PDPK1: variants seen among roughly 807,000 people sequenced by gnomAD.
PDPK1 encodes the protein 3-phosphoinositide-dependent protein kinase 1.
A neutral mutation model predicts 39.8 loss-of-function variants in PDPK1; 7 were observed. The ratio of observed to expected loss-of-function variants is 0.18; its 90% CI spans 0.10 to 0.33. The LOEUF (loss-of-function observed/expected upper bound fraction) is 0.33. Ranked by LOEUF, PDPK1 falls within the 10% of genes least tolerant of loss-of-function variation. The pLI is 1.00. For missense variants in PDPK1, 182 were observed against 384.7 expected, an observed-to-expected ratio of 0.47 and a Z score of 4.41; for synonymous variants, 118 against 159.1, an observed-to-expected ratio of 0.74 and a Z score of 1.95.
intron 11 of PDPK1, 139 bp from the exon 12 acceptor site, chr16:2,595,654 G>A (rs372296006): frequency 1.3e-5 from 9 of 703,498 alleles, no homozygotes; most frequent in East Asian, 2.6e-5. Flanking sequence ...TGTGGCGAAC[G>A]TTCTCTGCTC....
rs2066882334 is a variant in PDPK1, at chr16:2,586,679, G to GA, written c.1130dup (p.Asp377GlufsTer49). On this transcript the variant is annotated frameshift_variant, in exon 11 of 14. Transcript: ENST00000342085. LOFTEE classifies it high-confidence loss of function. ...CACTTTCCCTTCTTCTCTGCAGTATGACAATCTCCTGAGCCAGTTTGGCTG... is the reference window on the plus strand; with the variant it reads ...CACTTTCCCTTCTTCTCTGCAGTATGAACAATCTCCTGAGCCAGTTTGGCTG... 6.2e-7 allele frequency: 1 copy of GA among 1,613,898 alleles called. No homozygotes were observed. Among genetic ancestry groups the GA allele is most frequent in the African/African-American group, 1.3e-5 (1 of 74,938 alleles).
Position 2,599,181 on chromosome 16 carries a change from C to T in PDPK1, c.*1414C>T, listed in dbSNP as rs1007441669. On this transcript the variant is annotated 3_prime_UTR_variant, in exon 14 of 14. Transcript: ENST00000342085. ...TGGCCTGGCAGGTCTGGGCCCTTCT[C>T]TCCCTGCCCAGGTTGTCCCTGGAGG... 7 of 233,374 alleles carry T rather than the reference C, an allele frequency of 3.0e-5. No homozygotes were observed. In the South Asian group the frequency reaches 9.0e-4, roughly 30 times the overall value. 14.5% of individuals were successfully genotyped at this position (233,374 alleles called of 1,614,324 possible).
At chr16:2,592,293 C>T (rs1022322466) in intron 11 of PDPK1, among the ~76,000 whole-genome samples, 1 of 152,048 alleles carries the variant, frequency 6.6e-6, no homozygotes, top group Admixed American at 6.6e-5. Flanking sequence ...GGAGAGGTGT[C>T]GCCTGTTTTG....
Position 2,597,821 on chromosome 16 carries a change from C to A in PDPK1, c.*54C>A, listed in dbSNP as rs1327673658. 4.7e-6 allele frequency: 6 copies of A among 1,269,374 alleles called. No individual in the cohort carries two copies. The highest frequency in any genetic ancestry group is 6.9e-6 in the Non-Finnish European group (6 of 874,544). 78.6% of individuals were successfully genotyped at this position (1,269,374 alleles called of 1,614,324 possible). On this transcript the variant is annotated 3_prime_UTR_variant, in exon 14 of 14. Coordinates refer to ENST00000342085, the MANE Select transcript of PDPK1 (RefSeq NM_002613.5). The surrounding 1 kb of genome is among the most constrained non-coding windows in gnomAD (Gnocchi z 6.3). ...TGCCAGGACACCTGCCCCAGCGCGG[C>A]TTGGCCGCCATCCGGGACGCTTCCA...
At position 2,602,732 on chromosome 16, in the gene PDPK1, A is replaced by G. The variant is rs2067243138; in HGVS notation, c.*4965A>G. ...GGGTGGCAAGCAGAACATGCGTAAT[A>G]TTCTCTACCTGGTCTGTAGCTGTAA... On this transcript the variant is annotated 3_prime_UTR_variant, in exon 14 of 14. Coordinates refer to ENST00000342085, the MANE Select transcript of PDPK1 (RefSeq NM_002613.5). The G allele has an allele frequency of 4.3e-6, 1 of 234,632 alleles. No individual in the cohort carries two copies. Among genetic ancestry groups the G allele is most frequent in the Non-Finnish European group, 8.5e-6 (1 of 118,034 alleles). 14.5% of individuals were successfully genotyped at this position (234,632 alleles called of 1,614,324 possible). A position where few individuals can be genotyped will look rare whatever the true frequency, so the allele number is the denominator to read the frequency against.
At chr16:2,541,726 G>A (rs1013888143) in intron 1 of PDPK1, among the ~76,000 whole-genome samples, 2 of 152,196 alleles carry the variant, frequency 1.3e-5, no homozygotes, top group African/African-American at 4.8e-5. Context: ...TGCAAGTTTT[G>A]GACATGAGTT....
Position 2,599,012 on chromosome 16 carries a change from G to A in PDPK1, c.*1245G>A, listed in dbSNP as rs1038825533. On this transcript the variant is annotated 3_prime_UTR_variant, in exon 14 of 14. Coordinates refer to ENST00000342085, the MANE Select transcript of PDPK1 (RefSeq NM_002613.5). Reference sequence around the variant, plus strand: ...GAACAGCACACTTCAACCCCAGCTTGCTGGTCGGCTTTCCTCTAGAGAGAG... The same window carrying A: ...GAACAGCACACTTCAACCCCAGCTTACTGGTCGGCTTTCCTCTAGAGAGAG... 4.3e-6 allele frequency: 1 copy of A among 233,226 alleles called. No homozygotes were observed. The highest frequency in any genetic ancestry group is 2.2e-5 in the African/African-American group (1 of 45,344). The allele number at this position is 233,226 out of a possible 1,614,324, so 14.4% of individuals were successfully genotyped here.
intron 11 of PDPK1, chr16:2,592,460 G>T (rs1336015426): frequency 3.3e-6 from 1 of 299,816 alleles, no homozygotes; most frequent in East Asian, 1.1e-4. Flanking sequence ...GGAGACAGTA[G>T]AAAATCAAGG....
At chr16:2,547,132 G>A (rs2066364164) in intron 1 of PDPK1, among the ~76,000 whole-genome samples, 1 of 149,894 alleles carries the variant, frequency 6.7e-6, no homozygotes, top group Admixed American at 6.6e-5. Flanking sequence ...GATCTGGAGA[G>A]CCGCAGCAGC....
chr16:2,591,087 C>T (rs28761330), intron 11 of PDPK1, among the ~76,000 whole-genome samples: 2,973 of 152,108 alleles, frequency 0.02, 97 homozygotes, highest in African/African-American at 0.067. Context: ...CTCAGCCTCC[C>T]GAGGAGCTGG....
intron 11 of PDPK1, chr16:2,592,580 CAGG>C (rs2067011837): frequency 2.8e-6 from 1 of 355,316 alleles, no homozygotes. Context: ...GAGGCTGAGA[CAGG>C]AGAATCGCTT....
rs556964780 is a variant in PDPK1 at position 2,544,102 on chromosome 16, A to T, written c.24+5966A>T. ...GTCTGTGCATGTTCAGTACAGATGC[A>T]ATTTCTTGTTTTTCTAATATTTTCT... On this transcript the variant is annotated intron_variant, in intron 1 of 13. Coordinates refer to ENST00000342085, the MANE Select transcript of PDPK1 (RefSeq NM_002613.5). Among the ~76,000 whole-genome samples, 4 of 152,226 alleles carry T rather than the reference A, an allele frequency of 2.6e-5. No homozygotes were observed. The South Asian group carries it at 8.3e-4, about 32-fold the overall frequency.
In PDPK1 at chr16:2,597,665, T is replaced by C; in HGVS notation, c.1569T>C (p.Tyr523=). 6.2e-7 allele frequency: 1 copy of C among 1,613,284 alleles called. No homozygotes were observed. The highest frequency in any genetic ancestry group is 8.5e-7 in the Non-Finnish European group (1 of 1,179,318). ...TGTCTTCGCAGCCTAACAGGACGTA[T>C]TATCTGATGGACCCCAGCGGGAACG... ...TFFVHTPNRT[Y]YLMDPSGNAH... Residue 523 remains tyrosine, a synonymous_variant, in exon 14 of 14, where the codon TAT becomes TAC. Transcript: ENST00000342085. The surrounding 1 kb of genome is among the most constrained non-coding windows in gnomAD (Gnocchi z 6.3).
At chr16:2,543,810 C>T (rs1380200915) in intron 1 of PDPK1, among the ~76,000 whole-genome samples, 1 of 152,050 alleles carries the variant, frequency 6.6e-6, no homozygotes, top group African/African-American at 2.4e-5. Flanking sequence ...CAACCTCCGT[C>T]TTTCAGGTTG....
At chr16:2,587,334 G>A (rs975190722) in intron 11 of PDPK1, among the ~76,000 whole-genome samples, 11 of 152,176 alleles carry the variant, frequency 7.2e-5, no homozygotes, top group Admixed American at 3.9e-4. Context: ...TCGCGGGGGC[G>A]CCAGGAATCT....
intron 1 of PDPK1, among the ~76,000 whole-genome samples, chr16:2,552,256 G>A (rs1395013093): frequency 6.7e-6 from 1 of 150,186 alleles, no homozygotes; most frequent in African/African-American, 2.5e-5. Context: ...ACAGGCATGA[G>A]CCACTGCACC....
intron 1 of PDPK1, among the ~76,000 whole-genome samples, chr16:2,544,044 A>T (rs111304739): frequency 0.026 from 3,983 of 152,050 alleles, 173 homozygotes; most frequent in African/African-American, 0.088. Flanking sequence ...CTGCTTTACT[A>T]TATTCTTTAG....
chr16:2,595,967 A>C, intron 12 of PDPK1, 117 bp downstream of exon 12: 1 of 796,044 alleles, frequency 1.3e-6, no homozygotes, highest in Non-Finnish European at 2.2e-6. Flanking sequence ...TTCATCAGAC[A>C]TCATCTCTAG....
intron 1 of PDPK1, among the ~76,000 whole-genome samples, chr16:2,545,772 G>A (rs558116136): frequency 2.2e-4 from 34 of 152,230 alleles, no homozygotes; most frequent in African/African-American, 7.7e-4. Context: ...GATTACAGGC[G>A]TAAGCCACCA....
Sources: allele counts gnomAD v4.1 joint callset (sites outside exome capture counted in the v4.1 genomes callset), GRCh38; gene constraint gnomAD v4.1.1; non-coding constraint Gnocchi (gnomAD v3.1); transcripts MANE v1.5; gene names NCBI Gene and HGNC (gene_info 2026-07-23, HGNC 2026-07-21).